The following ZNF536 variants were observed in gnomAD, a reference collection of about 807,000 sequenced individuals.
ZNF536 encodes the protein zinc finger protein 536.
A neutral mutation model predicts 84.5 loss-of-function variants in ZNF536; 13 were observed. The ratio of observed to expected loss-of-function variants is 0.15; its 90% confidence interval spans 0.10 to 0.24. The LOEUF (loss-of-function observed/expected upper bound fraction) is 0.24, where lower values mean the gene tolerates loss of function less well. ZNF536 is among the 10% of genes least tolerant of loss of function. The pLI is 1.00. For missense variants in ZNF536, 1,536 were observed against 1,747.5 expected (o/e 0.88, Z 2.16); for synonymous variants, 811 against 742.5 (o/e 1.09, Z -1.50).
chr19:30,357,314 G>T (rs766191372), intron 3 of ZNF536, among the ~76,000 whole-genome samples: 1 of 152,204 alleles, frequency 6.6e-6, no homozygotes, highest in African/African-American at 2.4e-5. Context: ...AACAGCATGT[G>T]CAAAGGCCTC....
chr19:30,480,429 T>C (rs529197219), intron 2 of ZNF536, among the ~76,000 whole-genome samples: 1 of 152,254 alleles, frequency 6.6e-6, no homozygotes, highest in South Asian at 2.1e-4. Flanking sequence ...ACCATCATTC[T>C]CAGCAAACTA....
At chr19:30,414,809 G>A (rs2050643229) in intron 1 of ZNF536, among the ~76,000 whole-genome samples, 1 of 152,126 alleles carries the variant, frequency 6.6e-6, no homozygotes, top group African/African-American at 2.4e-5. Flanking sequence ...AATGATTTCA[G>A]AGTGAGTCTG....
chr19:30,673,329 C>T (rs983626080), intron 1 of ZNF536, among the ~76,000 whole-genome samples: 7 of 152,096 alleles, frequency 4.6e-5, no homozygotes, highest in African/African-American at 1.4e-4. Context: ...CTTGGTCTTC[C>T]TCTGCCTAGA....
intron 2 of ZNF536, among the ~76,000 whole-genome samples, chr19:30,336,241 A>C (rs911618448): frequency 2.6e-5 from 4 of 152,222 alleles, no homozygotes; most frequent in African/African-American, 4.8e-5. Flanking sequence ...TGGTGTCTTC[A>C]TCATTGGTTC....
At chr19:30,250,601 C>T (rs1173400357) in intron 1 of ZNF536, among the ~76,000 whole-genome samples, 1 of 152,148 alleles carries the variant, frequency 6.6e-6, no homozygotes, top group East Asian at 1.9e-4. Context: ...TAGGGCTGGG[C>T]ACTAAGAGAG....
At chr19:30,461,515 G>A (rs888015004) in intron 2 of ZNF536, among the ~76,000 whole-genome samples, 6 of 152,134 alleles carry the variant, frequency 3.9e-5, no homozygotes, top group Non-Finnish European at 8.8e-5. Flanking sequence ...GGACCCCCCT[G>A]AGCCCCACAC....
chr19:30,551,840 G>A (rs2045795316), intron 4 of ZNF536, among the ~76,000 whole-genome samples: 1 of 152,118 alleles, frequency 6.6e-6, no homozygotes, highest in South Asian at 2.1e-4. Flanking sequence ...CTTGGGGGTG[G>A]GGCCACTGCC....
intron 2 of ZNF536, among the ~76,000 whole-genome samples, chr19:30,344,079 G>A (rs1314125878): frequency 1.3e-5 from 2 of 151,752 alleles, no homozygotes; most frequent in Admixed American, 6.6e-5. Context: ...CCCCACCATG[G>A]GGTGCTGGGT....
At chr19:30,430,331 C>A (rs1367365666) in intron 1 of ZNF536, among the ~76,000 whole-genome samples, 1 of 152,208 alleles carries the variant, frequency 6.6e-6, no homozygotes, top group East Asian at 1.9e-4. Context: ...TCTATTCAGT[C>A]ACTCAGCAAA....
intron 1 of ZNF536, among the ~76,000 whole-genome samples, chr19:30,613,489 C>T (rs1395837466): frequency 6.6e-6 from 1 of 151,236 alleles, no homozygotes; most frequent in Non-Finnish European, 1.5e-5. Flanking sequence ...AGTGTAGATG[C>T]ACTGATATTT....
chr19:30,251,983 A>C (rs2024636874), intron 1 of ZNF536, among the ~76,000 whole-genome samples: 1 of 152,226 alleles, frequency 6.6e-6, no homozygotes. Flanking sequence ...TTGCACAGCA[A>C]AAAGGTCAGC....
chr19:30,516,574 G>A (rs1259684398), intron 2 of ZNF536, among the ~76,000 whole-genome samples: 1 of 152,138 alleles, frequency 6.6e-6, no homozygotes, highest in African/African-American at 2.4e-5. Context: ...CTTTCACCAC[G>A]GAAAGGTCAA....
chr19:30,566,983 GC>G (rs1420019715), intron 1 of ZNF536, among the ~76,000 whole-genome samples: 1 of 151,490 alleles, frequency 6.6e-6, no homozygotes, highest in Non-Finnish European at 1.5e-5. Flanking sequence ...CCTGTGTGTG[GC>G]CTCTCTGGGT....
chr19:30,409,941 G>A (rs920604919), intron 1 of ZNF536, among the ~76,000 whole-genome samples: 2 of 151,902 alleles, frequency 1.3e-5, no homozygotes, highest in African/African-American at 4.8e-5. Context: ...TATGCCTTCT[G>A]TCTGGTTTCC....
intron 1 of ZNF536, among the ~76,000 whole-genome samples, chr19:30,415,087 T>C (rs2050655452): frequency 6.7e-6 from 1 of 148,924 alleles, no homozygotes; most frequent in African/African-American, 2.5e-5. Flanking sequence ...CCTCCTGCTC[T>C]CTTCCTCCTT....
Position 30,444,250 on chromosome 19 carries a change from G to T in ZNF536, c.688G>T (p.Ala230Ser), listed in dbSNP as rs764827458. Residue 230 changes from alanine (A) to serine (S), a missense_variant, in exon 2 of 5, where the codon GCC becomes TCC. Transcript: ENST00000355537. ...PRPDLKPPPH[A>S]QQAPLAACTL... ...GCCGGACCTGAAGCCCCCGCCGCAC[G>T]CCCAGCAGGCCCCGCTGGCCGCCTG... 25 of 1,548,196 alleles carry T rather than the reference G, an allele frequency of 1.6e-5. No individual in the cohort carries two copies. The highest frequency in any genetic ancestry group is 2.1e-5 in the Non-Finnish European group (24 of 1,153,582).
upstream of ZNF536, among the ~76,000 whole-genome samples, chr19:30,371,275 G>T (rs543293487): frequency 6.6e-6 from 1 of 152,172 alleles, no homozygotes; most frequent in Non-Finnish European, 1.5e-5. Context: ...GGCACGAGAG[G>T]ATAAGTGACA....
At chr19:30,315,947 T>C (rs1231052206) in intron 2 of ZNF536, among the ~76,000 whole-genome samples, 2 of 152,232 alleles carry the variant, frequency 1.3e-5, no homozygotes, top group Non-Finnish European at 2.9e-5. Flanking sequence ...AAACATCAGA[T>C]ACATAGGAGG....
intron 1 of ZNF536, among the ~76,000 whole-genome samples, chr19:30,611,712 T>C (rs2048111252): frequency 6.6e-6 from 1 of 152,184 alleles, no homozygotes; most frequent in Admixed American, 6.5e-5. Context: ...ATCCACTGAG[T>C]GTCAAACAAA....
Sources: allele counts gnomAD v4.1 joint callset (sites outside exome capture counted in the v4.1 genomes callset), GRCh38; gene constraint gnomAD v4.1.1; transcripts MANE v1.5; gene names NCBI Gene and HGNC (gene_info 2026-07-23, HGNC 2026-07-21).